Variants in RNF216 observed in about 807,000 individuals in gnomAD.
The protein encoded by RNF216 is E3 ubiquitin-protein ligase RNF216.
A neutral mutation model predicts 110.8 loss-of-function variants in RNF216; 72 were observed. The ratio of observed to expected loss-of-function variants is 0.65; its 90% CI spans 0.54 to 0.79. The LOEUF (loss-of-function observed/expected upper bound fraction) is 0.79, where lower values mean the gene tolerates loss of function less well. Among genes scored for constraint, RNF216 ranks in the 30% least tolerant of loss-of-function variants. The pLI, the probability that RNF216 is intolerant of heterozygous loss-of-function variation, is 0.00. For missense variants in RNF216, 1,342 were observed against 1,141.2 expected (o/e 1.18, Z -2.54); for synonymous variants, 495 against 407.5 (o/e 1.21, Z -2.59).
chr7:5,628,433 T>C (rs139499016), intron 15 of RNF216, among the ~76,000 whole-genome samples: 9 of 152,350 alleles, frequency 5.9e-5, no homozygotes, highest in African/African-American at 1.7e-4. Context: ...ACACTGTGCT[T>C]AATAACTTTA....
chr7:5,769,395 C>G (rs1021503904), intron 1 of RNF216, among the ~76,000 whole-genome samples: 1 of 151,722 alleles, frequency 6.6e-6, no homozygotes. Context: ...GGATTACAGG[C>G]GTGAGCCACC....
chr7:5,751,318 G>A (rs572062960), intron 3 of RNF216, among the ~76,000 whole-genome samples: 1 of 152,250 alleles, frequency 6.6e-6, no homozygotes, highest in African/African-American at 2.4e-5. Context: ...CTGGGTGAAA[G>A]CCTAACAAAA....
At chr7:5,634,704 T>TG (rs1787292455) in intron 15 of RNF216, among the ~76,000 whole-genome samples, 1 of 152,136 alleles carries the variant, frequency 6.6e-6, no homozygotes, top group Non-Finnish European at 1.5e-5. Context: ...GACCTGGAGA[T>TG]GGGGGCAGAA....
chr7:5,706,668 T>G (rs183751075), intron 13 of RNF216, among the ~76,000 whole-genome samples: 10 of 152,356 alleles, frequency 6.6e-5, no homozygotes, highest in Admixed American at 6.5e-4. Context: ...TGAATAATGC[T>G]GCAATGAACA....
intron 13 of RNF216, among the ~76,000 whole-genome samples, chr7:5,667,053 C>A (rs1403508336): frequency 6.6e-6 from 1 of 152,086 alleles, no homozygotes. Flanking sequence ...AGGATGCACC[C>A]GCCTCGGCCT....
At chr7:5,630,182 G>A (rs1369954548) in intron 15 of RNF216, among the ~76,000 whole-genome samples, 2 of 152,144 alleles carry the variant, frequency 1.3e-5, no homozygotes, top group Non-Finnish European at 2.9e-5. Flanking sequence ...AACCCTGGTG[G>A]TAGAGCTGCC....
intron 15 of RNF216, among the ~76,000 whole-genome samples, chr7:5,634,555 G>A (rs548597451): frequency 6.6e-6 from 1 of 152,332 alleles, no homozygotes; most frequent in East Asian, 1.9e-4. Flanking sequence ...GGCTGGGAAG[G>A]GCAGGGAGGC....
chr7:5,641,688 A>G (rs1787742654), intron 14 of RNF216, among the ~76,000 whole-genome samples: 1 of 152,212 alleles, frequency 6.6e-6, no homozygotes, highest in Non-Finnish European at 1.5e-5. Context: ...CCCAGTACTC[A>G]GCATTTAGAA....
intron 13 of RNF216, among the ~76,000 whole-genome samples, chr7:5,698,726 T>C (rs1291383634): frequency 2.0e-5 from 3 of 152,184 alleles, no homozygotes; most frequent in Non-Finnish European, 4.4e-5. Context: ...TAAGTCTGTT[T>C]TCCCAGAGAA....
intron 2 of RNF216, among the ~76,000 whole-genome samples, chr7:5,759,742 C>G (rs1795835596): frequency 6.6e-6 from 1 of 150,690 alleles, no homozygotes. Context: ...AGTGATTCTC[C>G]TGCCTCAGCC....
chr7:5,715,083 A>G lies in RNF216; in HGVS notation c.1803T>C (p.Tyr601=), dbSNP rs536109896. The part of the protein sequence containing the change: ...HLFCKECLIR[Y]AQEAVFGSGK... ...CAGATCCAAAGACTGCCTCTTGGGC[A>G]TATCTGATGAGACACTCTTTGCAGA... The change falls in exon 11 of 17, where the codon TAT becomes TAC. Residue 601 remains tyrosine, a synonymous_variant. Transcript: ENST00000389902. 38 of 1,613,836 alleles carry G rather than the reference A, an allele frequency of 2.4e-5. 1 individual carries two copies. In the South Asian group the frequency reaches 3.5e-4, roughly 15 times the overall value.
At chr7:5,672,407 T>C (rs886290037) in intron 13 of RNF216, among the ~76,000 whole-genome samples, 1 of 152,198 alleles carries the variant, frequency 6.6e-6, no homozygotes, top group African/African-American at 2.4e-5. Context: ...GTTATGTTTG[T>C]TAAATTTAAT....
chr7:5,696,484 C>T lies in RNF216; in HGVS notation c.2061+15277G>A, dbSNP rs143443798. ...GGCCGGTGGGAATGCAGCAAAGCAG[C>T]AACTGCCCAATGATCTACTCCAGGG... On this transcript the variant is annotated intron_variant, in intron 13 of 16. Transcript: ENST00000389902. The surrounding 1 kb of genome is among the most constrained non-coding windows in gnomAD (Gnocchi z 5.4). Among the ~76,000 whole-genome samples, 1,049 of 152,268 alleles carry T rather than the reference C, an allele frequency of 6.9e-3. 6 individuals carry two copies. Among genetic ancestry groups the T allele is most frequent in the Non-Finnish European group, 0.011 (761 of 68,012 alleles).
Position 5,752,950 on chromosome 7 carries a change from T to C in RNF216, c.97A>G (p.Thr33Ala), listed in dbSNP as rs1277065890. 3 of 1,611,500 alleles carry C rather than the reference T, an allele frequency of 1.9e-6. No individual in the cohort carries two copies. Among genetic ancestry groups the C allele is most frequent in the Non-Finnish European group, 2.5e-6 (3 of 1,178,978 alleles). Residue 33 changes from threonine to alanine, a missense_variant, in exon 3 of 17, where the codon ACC (threonine) becomes GCC (alanine). Physicochemically the swap from Thr to Ala is moderately conservative, Grantham distance 58. Transcript: ENST00000389902. ...TCCTCATCTGAGGAGTCAGATATGG[T>C]GATGGGCCCATCTCGGAGATTGATC... is the stretch of plus-strand genomic sequence containing the variant. ...EWINLRDGPI[T>A]ISDSSDEERI...
At chr7:5,636,712 G>T (rs1584350965) in intron 15 of RNF216, among the ~76,000 whole-genome samples, 1 of 152,190 alleles carries the variant, frequency 6.6e-6, no homozygotes. Flanking sequence ...CGGGACAAAC[G>T]GAACAGAATC....
chr7:5,761,909 A>G (rs1795954773), intron 1 of RNF216, among the ~76,000 whole-genome samples: 1 of 152,248 alleles, frequency 6.6e-6, no homozygotes, highest in Admixed American at 6.5e-5. Context: ...GATATTCTGA[A>G]TAGCAATTAG....
intron 15 of RNF216, among the ~76,000 whole-genome samples, chr7:5,639,643 T>C (rs1000228338): frequency 1.3e-5 from 2 of 151,942 alleles, no homozygotes; most frequent in Non-Finnish European, 2.9e-5. Flanking sequence ...ATATTTTTAT[T>C]AGAGACAGGT....
chr7:5,623,930 C>CTG, intron 16 of RNF216, 126 bp downstream of exon 16: 1 of 744,228 alleles, frequency 1.3e-6, no homozygotes, highest in Non-Finnish European at 2.2e-6. Flanking sequence ...GGTCTATAGC[C>CTG]ACCTGAGGGA....
rs934686219 is a variant in RNF216, at chr7:5,624,016, G to C, written c.2452+40C>G. The C allele has an allele frequency of 1.9e-6, 3 of 1,577,938 alleles. No individual in the cohort carries two copies. The highest frequency in any genetic ancestry group is 8.7e-7 in the Non-Finnish European group (1 of 1,151,258). ...GGCCAGCAGAAGCCTGCATGGCCTG[G>C]CTGCTGCTCTGTCCTGGGGGCCTGG... On this transcript the variant is annotated intron_variant, in intron 16 of 16. Coordinates refer to ENST00000389902, the MANE Select transcript of RNF216 (RefSeq NM_207111.4). The surrounding 1 kb of genome is among the most constrained non-coding windows in gnomAD (Gnocchi z 4.4).
Sources: allele counts gnomAD v4.1 joint callset (sites outside exome capture counted in the v4.1 genomes callset), GRCh38; gene constraint gnomAD v4.1.1; non-coding constraint Gnocchi (gnomAD v3.1); transcripts MANE v1.5; gene names NCBI Gene and HGNC (gene_info 2026-07-23, HGNC 2026-07-21).